The following SYK variants were observed in gnomAD, a reference collection of about 807,000 sequenced individuals.
SYK encodes spleen associated tyrosine kinase.
A neutral mutation model predicts 77.8 loss-of-function variants in SYK; 16 were observed. The ratio of observed to expected loss-of-function variants is 0.21; its 90% CI spans 0.14 to 0.31. The LOEUF (loss-of-function observed/expected upper bound fraction) is 0.31. Ranked by LOEUF, SYK falls within the 10% of genes least tolerant of loss-of-function variation. The probability of loss-of-function intolerance (pLI) is 1.00; values close to 1 mark genes in which losing one functional copy is unlikely to be tolerated. For synonymous variants in SYK, 312 were observed against 308.7 expected (o/e 1.01, Z -0.11); for missense variants, 529 against 814.4 (o/e 0.65, Z 4.26).
chr9:90,877,514 TTA>T, intron 9 of SYK, 55 bp from the exon 10 acceptor site: 1 of 1,572,532 alleles, frequency 6.4e-7, no homozygotes, highest in Admixed American at 1.7e-5. Context: ...CAGGATAAGA[TTA>T]TCTAGAAGTG....
At chr9:90,801,978 C>T (rs1826747994) in intron 1 of SYK, 85 bp downstream of exon 1, 1 of 152,306 alleles carries the variant, frequency 6.6e-6, no homozygotes, top group African/African-American at 2.4e-5. Context: ...CTTTCATGCC[C>T]TTTCTTGTTC....
At chr9:90,887,981 G>A (rs1828644284) in intron 12 of SYK, 92 bp downstream of exon 12, 1 of 1,438,772 alleles carries the variant, frequency 7.0e-7, no homozygotes, top group Non-Finnish European at 9.2e-7. Flanking sequence ...ATCCTAATCT[G>A]AGTCTCTCAT....
At chr9:90,811,764 C>CAAA (rs3057733) in intron 1 of SYK, among the ~76,000 whole-genome samples, 96,637 of 147,232 alleles carry the variant, frequency 0.66, 31,883 homozygotes, top group East Asian at 0.8. Context: ...TGACAAATAC[C>CAAA]AAAAAAAAAA....
intron 11 of SYK, among the ~76,000 whole-genome samples, chr9:90,881,768 C>T (rs941100579): frequency 2.0e-5 from 3 of 152,066 alleles, no homozygotes; most frequent in South Asian, 4.2e-4. Context: ...GGAAACCATG[C>T]GTGACAGGGT....
At chr9:90,856,210 T>TGA (rs1587869693) in intron 3 of SYK, among the ~76,000 whole-genome samples, 1 of 152,226 alleles carries the variant, frequency 6.6e-6, no homozygotes, top group East Asian at 1.9e-4. Flanking sequence ...TGATGTTTTA[T>TGA]CTGAGTCATT....
At chr9:90,884,340 C>CACACATAT (rs746436291) in intron 11 of SYK, among the ~76,000 whole-genome samples, 5,548 of 124,494 alleles carry the variant, frequency 0.045, 1,293 homozygotes, top group East Asian at 0.1. Flanking sequence ...TGTATATATA[C>CACACATAT]ACACATACAC....
At chr9:90,861,043 A>T (rs1827236132) in intron 3 of SYK, among the ~76,000 whole-genome samples, 2 of 152,206 alleles carry the variant, frequency 1.3e-5, no homozygotes, top group East Asian at 1.9e-4. Flanking sequence ...CACCCTCAGA[A>T]CCTAAGATCT....
chr9:90,863,230 G>T (rs758463975), intron 4 of SYK, among the ~76,000 whole-genome samples: 4 of 152,170 alleles, frequency 2.6e-5, no homozygotes, highest in Non-Finnish European at 5.9e-5. Flanking sequence ...AACTGTAGTA[G>T]GTTCAGAAAC....
At chr9:90,875,972 G>C (rs1262604918) in intron 9 of SYK, among the ~76,000 whole-genome samples, 1 of 152,174 alleles carries the variant, frequency 6.6e-6, no homozygotes, top group East Asian at 1.9e-4. Flanking sequence ...TAAAAATATA[G>C]ACAAAAATAT....
At chr9:90,813,451 G>T (rs1275242557) in intron 1 of SYK, among the ~76,000 whole-genome samples, 1 of 152,166 alleles carries the variant, frequency 6.6e-6, no homozygotes, top group African/African-American at 2.4e-5. Flanking sequence ...TCCAAGAAGT[G>T]GCTCTAAAGC....
At chr9:90,841,298 T>C (rs1326077258) in intron 1 of SYK, among the ~76,000 whole-genome samples, 1 of 151,108 alleles carries the variant, frequency 6.6e-6, no homozygotes, top group Non-Finnish European at 1.5e-5. Context: ...GTGTAATGTG[T>C]ATGTAGTTTG....
chr9:90,805,196 C>A (rs1047583474), intron 1 of SYK, among the ~76,000 whole-genome samples: 1 of 152,186 alleles, frequency 6.6e-6, no homozygotes, highest in African/African-American at 2.4e-5. Context: ...GTGGAGCAAG[C>A]GAGGACAGTT....
chr9:90,848,839 G>A (rs77455653), intron 3 of SYK, among the ~76,000 whole-genome samples: 5,383 of 152,334 alleles, frequency 0.035, 312 homozygotes, highest in African/African-American at 0.12. Flanking sequence ...AAGTAAGGGC[G>A]TAGAGCACAC....
intron 12 of SYK, 46 bp from the exon 13 acceptor site, chr9:90,888,469 A>C: frequency 1.4e-6 from 2 of 1,446,068 alleles, no homozygotes; most frequent in Non-Finnish European, 1.9e-6. Context: ...TGTTTGACTA[A>C]CACCTTTAAA....
intron 1 of SYK, among the ~76,000 whole-genome samples, chr9:90,815,725 C>T (rs188485011): frequency 6.6e-6 from 1 of 152,234 alleles, no homozygotes; most frequent in Non-Finnish European, 1.5e-5. Flanking sequence ...CTGAATGATG[C>T]TTTTCATGTG....
At chr9:90,804,845 A>T (rs1244730558) in intron 1 of SYK, among the ~76,000 whole-genome samples, 1 of 152,236 alleles carries the variant, frequency 6.6e-6, no homozygotes, top group South Asian at 2.1e-4. Flanking sequence ...TTTAAGAACT[A>T]GTCTGATTGG....
chr9:90,816,056 T>G (rs962722152), intron 1 of SYK, among the ~76,000 whole-genome samples: 3 of 152,196 alleles, frequency 2.0e-5, no homozygotes, highest in African/African-American at 7.2e-5. Context: ...CTTTTCATTG[T>G]TTTTTGTTTG....
At chr9:90,850,374 A>G in intron 3 of SYK, among the ~76,000 whole-genome samples, 1 of 152,114 alleles carries the variant, frequency 6.6e-6, no homozygotes, top group South Asian at 2.1e-4. Flanking sequence ...AAATTAGCTG[A>G]GTATAGTGGT....
chr9:90,839,571 C>T (rs369857653), intron 1 of SYK, among the ~76,000 whole-genome samples: 11 of 151,982 alleles, frequency 7.2e-5, no homozygotes, highest in South Asian at 2.1e-4. Flanking sequence ...GTGCCAGCAC[C>T]GATGTAATGA....
Sources: gnomAD v4.1 joint callset for allele counts (sites outside exome capture counted in the v4.1 genomes callset) on GRCh38, gnomAD v4.1.1 for gene constraint, MANE v1.5 for transcripts, NCBI Gene and HGNC (gene_info 2026-07-23, HGNC 2026-07-21) for gene names.